The following CROT variants were observed in gnomAD, a reference collection of about 807,000 sequenced individuals.
CROT encodes carnitine O-octanoyltransferase.
In CROT, 84 loss-of-function variants were observed where a neutral mutation model predicts 89.2. The observed-to-expected ratio is 0.94, with a 90% confidence interval of 0.79 to 1.13. CROT has a LOEUF of 1.13. Ranked by LOEUF, CROT falls within the 50% of genes most tolerant of loss-of-function variation. The pLI, the probability that CROT is intolerant of heterozygous loss-of-function variation, is 0.00. For synonymous variants in CROT, 212 were observed against 239.5 expected (o/e 0.89, Z 1.06); for missense variants, 711 against 727.8 (o/e 0.98, Z 0.27).
At chr7:87,354,362 C>G (rs1287235094) in intron 3 of CROT, 2 of 517,938 alleles carry the variant, frequency 3.9e-6, no homozygotes, top group African/African-American at 1.9e-5. Context: ...TTTAGATAAC[C>G]TGGACATCAA....
intron 6 of CROT, among the ~76,000 whole-genome samples, chr7:87,364,250 CTTTTGGGACATA>C (rs1806368830): frequency 6.6e-6 from 1 of 152,140 alleles, no homozygotes; most frequent in Non-Finnish European, 1.5e-5. Context: ...GCCAAGGTTA[CTTTTGGGACATA>C]TGTAAAGATG....
At chr7:87,377,914 AT>A (rs1398172005) in intron 10 of CROT, among the ~76,000 whole-genome samples, 1 of 152,148 alleles carries the variant, frequency 6.6e-6, no homozygotes, top group Non-Finnish European at 1.5e-5. Context: ...AGTTACTACC[AT>A]TTTGACCATT....
intron 9 of CROT, among the ~76,000 whole-genome samples, 174 bp from the exon 10 acceptor site, chr7:87,377,175 T>C (rs1656216999): frequency 6.6e-6 from 1 of 152,134 alleles, no homozygotes; most frequent in Non-Finnish European, 1.5e-5. Context: ...CCAGAATTAC[T>C]CTCTCTTGAC....
At chr7:87,351,401 A>G (rs553649527) in intron 3 of CROT, among the ~76,000 whole-genome samples, 3 of 151,772 alleles carry the variant, frequency 2.0e-5, no homozygotes, top group Non-Finnish European at 4.4e-5. Context: ...AAATTAGCCT[A>G]TTTGATATGC....
intron 11 of CROT, 28 bp from the exon 12 acceptor site, chr7:87,382,046 A>G: frequency 6.3e-7 from 1 of 1,580,204 alleles, no homozygotes; most frequent in Non-Finnish European, 8.7e-7. Context: ...CTATAGATAA[A>G]ATATTTTTAA....
intron 3 of CROT, among the ~76,000 whole-genome samples, chr7:87,352,147 G>T (rs1168162785): frequency 6.6e-6 from 1 of 152,170 alleles, no homozygotes; most frequent in Non-Finnish European, 1.5e-5. Flanking sequence ...TAGTTTTCAG[G>T]TGTTTTGGAT....
rs1230112543 is a variant in CROT, at chr7:87,392,829, ATAGTG to A, written c.1598+13_1598+17del. The A allele has an allele frequency of 1.2e-6, 2 of 1,612,338 alleles. No homozygotes were observed. The highest frequency in any genetic ancestry group is 1.7e-6 in the Non-Finnish European group (2 of 1,179,026). ...GACCCACTTTTTTCCAAAAGGTAAT[ATAGTG>A]TAGTGTTTTACAGCTTCATCAATTG... On this transcript the variant is annotated splice_region_variant and intron_variant, in intron 16 of 17. Transcript: ENST00000331536.
chr7:87,381,738 A>G (rs1259492773), intron 10 of CROT, among the ~76,000 whole-genome samples, 172 bp from the exon 11 acceptor site: 2 of 152,226 alleles, frequency 1.3e-5, no homozygotes, highest in African/African-American at 2.4e-5. Context: ...AAAATATAGC[A>G]GTTACTGAAC....
In CROT at chr7:87,379,879, G is replaced by A. The variant is rs117053691; in HGVS notation, c.979-2031G>A. On this transcript the variant is annotated intron_variant, in intron 10 of 17. Transcript: ENST00000331536. ...CTATAATCCCAGCACTTTGGGAGAC[G>A]AAGGTGGGAGGATTTGATTCCAGCA... Among the ~76,000 whole-genome samples, 27 of 152,276 alleles carry A rather than the reference G, an allele frequency of 1.8e-4. No homozygotes were observed. The East Asian group carries it at 3.9e-3, about 22-fold the overall frequency.
At position 87,361,747 on chromosome 7, in the gene CROT, A is replaced by C. The variant is rs761288409; in HGVS notation, c.442A>C (p.Lys148Gln). ...LLRKEKVPVH[K>Q]VGNTPLDMNQ... ...TAATAGAGAAAAAGTGCCTGTTCAT[A>C]AAGTTGGAAATACTCCTCTAGATAT... Residue 148 changes from lysine (K) to glutamine (Q), a missense_variant, in exon 6 of 18, where the codon AAA becomes CAA. Lys to Gln is a moderately conservative substitution (Grantham distance 53). Coordinates refer to ENST00000331536, the MANE Select transcript of CROT (RefSeq NM_021151.4). 4 of 1,584,680 alleles carry C rather than the reference A, an allele frequency of 2.5e-6. No homozygotes were observed. The highest frequency in any genetic ancestry group is 3.4e-6 in the Non-Finnish European group (4 of 1,170,398).
chr7:87,387,777 C>A (rs1409450856), intron 13 of CROT, among the ~76,000 whole-genome samples: 1 of 152,104 alleles, frequency 6.6e-6, no homozygotes, highest in African/African-American at 2.4e-5. Context: ...CATGGTAAAA[C>A]CCCATCTCTA....
At chr7:87,361,990 T>A in intron 6 of CROT, 138 bp downstream of exon 6, 1 of 728,144 alleles carries the variant, frequency 1.4e-6, no homozygotes, top group Non-Finnish European at 2.1e-6. Flanking sequence ...GAGCCTTATA[T>A]TTGAATCATT....
At position 87,399,398 on chromosome 7, in the gene CROT, C is replaced by G. The variant is rs540650843; in HGVS notation, c.*754C>G. 1.3e-5 allele frequency: 2 copies of G among 152,314 alleles called. No homozygotes were observed. The highest frequency in any genetic ancestry group is 3.9e-4 in the East Asian group (2 of 5,188). 9.4% of individuals were successfully genotyped at this position (152,314 alleles called of 1,614,324 possible). A position where few individuals can be genotyped will look rare whatever the true frequency, so the allele number is the denominator to read the frequency against. ...GGCTGAGACAGGAGGATCGGTTGAG[C>G]CCAGGAGGTTGTGGCTGCAGTGAGC... On this transcript the variant is annotated 3_prime_UTR_variant, in exon 18 of 18. Coordinates refer to ENST00000331536, the MANE Select transcript of CROT (RefSeq NM_021151.4).
intron 3 of CROT, chr7:87,357,644 C>T (rs1428340263): frequency 5.8e-5 from 43 of 741,902 alleles, no homozygotes; most frequent in Middle Eastern, 7.2e-4. Flanking sequence ...TACTCCATTG[C>T]GGAGTAGAGC....
chr7:87,395,679 G>A (rs1807501442), intron 17 of CROT, among the ~76,000 whole-genome samples: 1 of 152,122 alleles, frequency 6.6e-6, no homozygotes, highest in Admixed American at 6.5e-5. Flanking sequence ...TTGATGTTTT[G>A]TCACTGAAGT....
At position 87,393,056 on chromosome 7, in the gene CROT, C is replaced by T; in HGVS notation, c.1707C>T (p.Ile569=). The change falls in exon 17 of 18, where the codon ATC becomes ATT. Residue 569 remains isoleucine, a synonymous_variant. Transcript: ENST00000331536. The part of the protein sequence containing the change: ...VHNGYGFFYH[I]RDDRFVVACS... The stretch of plus-strand genomic sequence containing the variant: ...ATGGTTATGGATTTTTCTACCATAT[C>T]AGAGATGACAGGTGAGGCTTCTCTT... The T allele has an allele frequency of 6.2e-7, 1 of 1,613,156 alleles. No individual in the cohort carries two copies. Among genetic ancestry groups the T allele is most frequent in the Admixed American group, 1.7e-5 (1 of 59,928 alleles).
intron 3 of CROT, among the ~76,000 whole-genome samples, chr7:87,352,951 C>A (rs931006454): frequency 2.4e-4 from 37 of 152,104 alleles, no homozygotes; most frequent in Non-Finnish European, 1.0e-4. Context: ...CTTTGATTGT[C>A]CAGGTCTAAA....
chr7:87,396,548 A>C (rs1807531856), intron 17 of CROT, among the ~76,000 whole-genome samples: 1 of 152,190 alleles, frequency 6.6e-6, no homozygotes, highest in African/African-American at 2.4e-5. Context: ...ACATTTTTAG[A>C]GAAATGAAAA....
At chr7:87,372,577 A>C (rs902759284) in intron 7 of CROT, among the ~76,000 whole-genome samples, 24 of 152,222 alleles carry the variant, frequency 1.6e-4, no homozygotes, top group Admixed American at 7.9e-4. Context: ...GAAAATTTAC[A>C]TAAACATCTG....
Sources: gnomAD v4.1 joint callset for allele counts (sites outside exome capture counted in the v4.1 genomes callset) on GRCh38, gnomAD v4.1.1 for gene constraint, MANE v1.5 for transcripts, NCBI Gene and HGNC (gene_info 2026-07-23, HGNC 2026-07-21) for gene names.